Variants in CAMK4 observed in about 807,000 individuals in gnomAD.
The protein encoded by CAMK4 is calcium/calmodulin-dependent protein kinase type IV.
CAMK4 carries 22 observed loss-of-function variants against 44.9 expected under a neutral mutation model. The ratio of observed to expected loss-of-function variants is 0.49; its 90% CI spans 0.35 to 0.70. The LOEUF (loss-of-function observed/expected upper bound fraction) is 0.70. Ranked by LOEUF, CAMK4 falls within the 30% of genes least tolerant of loss-of-function variation. CAMK4 has a pLI of 0.01. For missense variants in CAMK4, 498 were observed against 586.8 expected (o/e 0.85, Z 1.56); for synonymous variants, 218 against 215.4 (o/e 1.01, Z -0.11).
At chr5:111,437,907 C>T (rs998389680) in intron 5 of CAMK4, among the ~76,000 whole-genome samples, 6 of 152,068 alleles carry the variant, frequency 3.9e-5, no homozygotes, top group Admixed American at 1.3e-4. Context: ...GCCTGATTCC[C>T]TGTGCTTTAT....
intron 7 of CAMK4, among the ~76,000 whole-genome samples, chr5:111,469,769 T>C (rs1226006977): frequency 6.6e-6 from 1 of 152,232 alleles, no homozygotes; most frequent in Non-Finnish European, 1.5e-5. Context: ...GTTAGAATGC[T>C]TGTTCTTGTC....
chr5:111,473,609 C>G (rs542809622), intron 8 of CAMK4, among the ~76,000 whole-genome samples: 1 of 152,162 alleles, frequency 6.6e-6, no homozygotes, highest in African/African-American at 2.4e-5. Context: ...TTTCCTATGT[C>G]TATATCCACT....
At chr5:111,461,918 T>C (rs752625706) in intron 7 of CAMK4, among the ~76,000 whole-genome samples, 2 of 151,730 alleles carry the variant, frequency 1.3e-5, no homozygotes, top group Non-Finnish European at 2.9e-5. Flanking sequence ...ATAGATCTTT[T>C]CCCATATGTT....
At chr5:111,434,307 A>AAAT (rs1491024392) in intron 5 of CAMK4, among the ~76,000 whole-genome samples, 1 of 145,278 alleles carries the variant, frequency 6.9e-6, no homozygotes, top group African/African-American at 2.5e-5. Flanking sequence ...AAAAAAAAAA[A>AAAT]ATAGAGCCAC....
At chr5:111,414,976 A>G (rs924268504) in intron 5 of CAMK4, among the ~76,000 whole-genome samples, 1 of 152,354 alleles carries the variant, frequency 6.6e-6, no homozygotes, top group Admixed American at 6.5e-5. Context: ...GATCCAATAA[A>G]GTAATTGTAA....
In CAMK4 at chr5:111,491,713, T is replaced by C. The variant is rs1271284401; in HGVS notation, c.*7247T>C. On this transcript the variant is annotated 3_prime_UTR_variant, in exon 11 of 11. Transcript: ENST00000282356. ...TTTGATCCTTACATTTAAAATTATG[T>C]AAATGACATCTTTCACTGGCATTTG... is the stretch of plus-strand genomic sequence containing the variant. The C allele has an allele frequency of 6.6e-6, 1 of 152,214 alleles. No individual in the cohort carries two copies. The highest frequency in any genetic ancestry group is 2.4e-5 in the African/African-American group (1 of 41,458). The allele number at this position is 152,214 out of a possible 1,614,324, so 9.4% of individuals were successfully genotyped here.
chr5:111,252,529 G>A (rs1749551937), intron 1 of CAMK4, among the ~76,000 whole-genome samples: 1 of 152,126 alleles, frequency 6.6e-6, no homozygotes. Flanking sequence ...TGCTGGTAGA[G>A]TTAGTGTAAA....
Position 111,394,181 on chromosome 5 carries a change from ATAT to A in CAMK4, c.387-526_387-524del, listed in dbSNP as rs568932412. Among the ~76,000 whole-genome samples, 217 of 152,302 alleles carry A rather than the reference ATAT, an allele frequency of 1.4e-3. 2 individuals carry two copies. The highest frequency in any genetic ancestry group is 5.1e-3 in the African/African-American group (213 of 41,578). On this transcript the variant is annotated intron_variant, in intron 4 of 10. Coordinates refer to ENST00000282356, the MANE Select transcript of CAMK4 (RefSeq NM_001744.6). ...AATTTGAAACACTGCATATTTGATAATATTAAGAAATTAATTATAGGTATGATA... is the reference window on the plus strand; with the variant it reads ...AATTTGAAACACTGCATATTTGATAATAAGAAATTAATTATAGGTATGATA...
At chr5:111,429,931 AAAT>A (rs1753377497) in intron 5 of CAMK4, among the ~76,000 whole-genome samples, 1 of 151,628 alleles carries the variant, frequency 6.6e-6, no homozygotes, top group Non-Finnish European at 1.5e-5. Context: ...AAAAAAAAAA[AAAT>A]AGAAGAGGAG....
chr5:111,353,777 A>G (rs1321845941), intron 2 of CAMK4, among the ~76,000 whole-genome samples: 2 of 152,142 alleles, frequency 1.3e-5, no homozygotes, highest in African/African-American at 4.8e-5. Flanking sequence ...TAAAATGCTT[A>G]GGAATAAATT....
chr5:111,436,997 A>G (rs758502987), intron 5 of CAMK4, among the ~76,000 whole-genome samples: 8 of 152,376 alleles, frequency 5.3e-5, no homozygotes, highest in Non-Finnish European at 1.0e-4. Flanking sequence ...TGTCATTTGG[A>G]AGATGAAATT....
intron 1 of CAMK4, among the ~76,000 whole-genome samples, chr5:111,327,258 G>A (rs1260692667): frequency 6.6e-6 from 1 of 151,810 alleles, no homozygotes; most frequent in Non-Finnish European, 1.5e-5. Flanking sequence ...AACATGTGGT[G>A]TTTGGTTTTT....
At chr5:111,424,418 A>C (rs1753140292) in intron 5 of CAMK4, among the ~76,000 whole-genome samples, 1 of 139,362 alleles carries the variant, frequency 7.2e-6, no homozygotes, top group South Asian at 2.3e-4. Context: ...ATATATGCAT[A>C]TATGCATCTT....
intron 1 of CAMK4, among the ~76,000 whole-genome samples, chr5:111,321,686 A>G (rs865819941): frequency 3.3e-5 from 5 of 152,138 alleles, no homozygotes; most frequent in African/African-American, 1.2e-4. Flanking sequence ...CTGTTTGATC[A>G]TCTATTCAAC....
intron 1 of CAMK4, among the ~76,000 whole-genome samples, chr5:111,319,994 C>T (rs41381844): frequency 6.6e-6 from 1 of 152,104 alleles, no homozygotes; most frequent in South Asian, 2.1e-4. Flanking sequence ...AAAAGCTTAA[C>T]TTCCAATGAG....
intron 10 of CAMK4, among the ~76,000 whole-genome samples, chr5:111,483,377 T>G (rs909007314): frequency 2.0e-5 from 3 of 152,090 alleles, no homozygotes; most frequent in Admixed American, 6.5e-5. Flanking sequence ...AGTGATATAA[T>G]AAATTACTTA....
intron 5 of CAMK4, among the ~76,000 whole-genome samples, chr5:111,428,163 C>A (rs1188268183): frequency 6.6e-6 from 1 of 152,248 alleles, no homozygotes; most frequent in Non-Finnish European, 1.5e-5. Flanking sequence ...CTGCAAAAAC[C>A]ACAGTGTTAC....
chr5:111,252,093 G>A (rs751762312), intron 1 of CAMK4, among the ~76,000 whole-genome samples: 2 of 152,222 alleles, frequency 1.3e-5, no homozygotes, highest in Non-Finnish European at 2.9e-5. Context: ...CCAAGGCATA[G>A]TCATAGTTAC....
intron 2 of CAMK4, 90 bp from the exon 3 acceptor site, chr5:111,374,759 AT>A: frequency 1.3e-6 from 1 of 791,942 alleles, no homozygotes; most frequent in Non-Finnish European, 2.2e-6. Flanking sequence ...GAATTGCCTG[AT>A]TCACCCAGGT....
Sources: allele counts gnomAD v4.1 joint callset (sites outside exome capture counted in the v4.1 genomes callset), GRCh38; gene constraint gnomAD v4.1.1; transcripts MANE v1.5; gene names NCBI Gene and HGNC (gene_info 2026-07-23, HGNC 2026-07-21).